The following RBFOX1 variants were observed in gnomAD, a reference collection of about 807,000 sequenced individuals.
RBFOX1 encodes RNA binding protein fox-1 homolog 1.
RBFOX1 carries 8 observed loss-of-function variants against 57.7 expected under a neutral mutation model. The ratio of observed to expected loss-of-function variants is 0.14; its 90% CI spans 0.08 to 0.25. RBFOX1 has a LOEUF of 0.25. Among genes scored for constraint, RBFOX1 ranks in the 10% least tolerant of loss-of-function variants. The pLI, the probability that RBFOX1 is intolerant of heterozygous loss-of-function variation, is 1.00. For missense variants in RBFOX1, 611 were observed against 548.5 expected (o/e 1.11, Z -1.14); for synonymous variants, 326 against 222.4 (o/e 1.47, Z -4.15).
At chr16:6,428,907 T>C (rs2094002384) in intron 2 of RBFOX1, among the ~76,000 whole-genome samples, 1 of 152,238 alleles carries the variant, frequency 6.6e-6, no homozygotes, top group Non-Finnish European at 1.5e-5. Context: ...AAGTATCGTG[T>C]AGGAAGTAGT....
intron 4 of RBFOX1, among the ~76,000 whole-genome samples, chr16:5,932,700 G>C (rs2059088365): frequency 6.6e-6 from 1 of 152,102 alleles, no homozygotes; most frequent in East Asian, 1.9e-4. Context: ...CCACCACTGG[G>C]GTCAGGAGGC....
chr16:7,142,679 A>T (rs542485135), intron 4 of RBFOX1, among the ~76,000 whole-genome samples: 3 of 152,190 alleles, frequency 2.0e-5, no homozygotes, highest in Non-Finnish European at 4.4e-5. Flanking sequence ...TCTTGTTTGT[A>T]TATACATGTC....
intron 1 of RBFOX1, among the ~76,000 whole-genome samples, chr16:6,143,177 C>T (rs1391263825): frequency 2.0e-5 from 3 of 152,180 alleles, no homozygotes; most frequent in Non-Finnish European, 4.4e-5. Context: ...TTTACAAATG[C>T]TCTTCAGGAA....
At chr16:7,599,609 G>A (rs2094900085) in intron 9 of RBFOX1, among the ~76,000 whole-genome samples, 1 of 149,476 alleles carries the variant, frequency 6.7e-6, no homozygotes, top group Non-Finnish European at 1.5e-5. Flanking sequence ...CAACATTGAG[G>A]CTAGAGAAGA....
intron 3 of RBFOX1, among the ~76,000 whole-genome samples, chr16:7,043,682 T>C (rs1004640353): frequency 6.6e-6 from 1 of 152,098 alleles, no homozygotes; most frequent in African/African-American, 2.4e-5. Flanking sequence ...AACATTCTAT[T>C]ATTGTGGACA....
intron 2 of RBFOX1, among the ~76,000 whole-genome samples, chr16:6,615,713 C>T (rs894647982): frequency 1.3e-5 from 2 of 152,176 alleles, no homozygotes. Context: ...AATGCAAACA[C>T]TTGTATTTCC....
intron 4 of RBFOX1, among the ~76,000 whole-genome samples, chr16:7,347,873 AG>A (rs1199773258): frequency 4.6e-5 from 7 of 152,266 alleles, no homozygotes; most frequent in Admixed American, 1.3e-4. Flanking sequence ...ATTCCGAGAC[AG>A]GCGTCTTGCA....
chr16:6,718,440 G>T (rs549269812), intron 3 of RBFOX1, among the ~76,000 whole-genome samples: 1 of 152,188 alleles, frequency 6.6e-6, no homozygotes, highest in Non-Finnish European at 1.5e-5. Flanking sequence ...AAGGTAATGC[G>T]AGTAAGAGTA....
chr16:6,922,482 T>G (rs1199786395), intron 3 of RBFOX1, among the ~76,000 whole-genome samples: 1 of 152,222 alleles, frequency 6.6e-6, no homozygotes, highest in Non-Finnish European at 1.5e-5. Context: ...TGCTAATCTT[T>G]TAGCTCATTT....
At chr16:5,920,677 C>T (rs1247014033) in intron 4 of RBFOX1, among the ~76,000 whole-genome samples, 1 of 152,096 alleles carries the variant, frequency 6.6e-6, no homozygotes, top group East Asian at 1.9e-4. Context: ...AGACCAGGAG[C>T]GTGCCCAGGT....
At chr16:5,771,698 C>T (rs2053982773) in intron 3 of RBFOX1, among the ~76,000 whole-genome samples, 1 of 152,152 alleles carries the variant, frequency 6.6e-6, no homozygotes, top group Non-Finnish European at 1.5e-5. Context: ...TGTAAGCTAC[C>T]ACACCCCACC....
chr16:6,999,212 A>ATTTTATTTTATTTTATTT (rs1254312494), intron 3 of RBFOX1, among the ~76,000 whole-genome samples: 14 of 117,686 alleles, frequency 1.2e-4, no homozygotes, highest in Non-Finnish European at 2.5e-4. Flanking sequence ...TTTTATTTTT[A>ATTTTATTTTATTTTATTT]TTTATTTTTT....
At chr16:6,227,725 A>C (rs1033477868) in intron 1 of RBFOX1, among the ~76,000 whole-genome samples, 1 of 152,242 alleles carries the variant, frequency 6.6e-6, no homozygotes, top group Admixed American at 6.5e-5. Flanking sequence ...TAGCTGAAGT[A>C]GCTCTATAGG....
chr16:7,625,144 C>G (rs528918665), intron 10 of RBFOX1, among the ~76,000 whole-genome samples: 1 of 152,170 alleles, frequency 6.6e-6, no homozygotes, highest in South Asian at 2.1e-4. Flanking sequence ...GGCTCTCCCA[C>G]CTTAGTCCTT....
rs370666192 is a variant in RBFOX1, at chr16:6,019,820, G to T, written c.-299G>T. On this transcript the variant is annotated 5_prime_UTR_variant, in exon 1 of 16. Coordinates refer to ENST00000550418, the MANE Select transcript of RBFOX1 (RefSeq NM_018723.4). This position sits in a 1 kb window ranked among gnomAD's most constrained non-coding sequence, Gnocchi z 4.2. Reference sequence around the variant, plus strand: ...ACCCTCGCCGCGCCCAGGCAGGCGCGCCAGGGCGGGGCTGACCTGCCCGCG... The same window carrying T: ...ACCCTCGCCGCGCCCAGGCAGGCGCTCCAGGGCGGGGCTGACCTGCCCGCG... 6.6e-6 allele frequency: 10 copies of T among 1,504,624 alleles called. No homozygotes were observed. Among genetic ancestry groups the T allele is most frequent in the South Asian group, 1.2e-5 (1 of 81,498 alleles). 93.2% of individuals were successfully genotyped at this position (1,504,624 alleles called of 1,614,324 possible).
At chr16:6,702,636 C>G (rs901336655) in intron 3 of RBFOX1, among the ~76,000 whole-genome samples, 1 of 152,140 alleles carries the variant, frequency 6.6e-6, no homozygotes, top group Admixed American at 6.5e-5. Flanking sequence ...TGAGGTCATA[C>G]TTCTAAGATA....
intron 1 of RBFOX1, among the ~76,000 whole-genome samples, chr16:6,036,269 C>G (rs2095363793): frequency 6.6e-6 from 1 of 152,176 alleles, no homozygotes; most frequent in South Asian, 2.1e-4. Flanking sequence ...TCCAAGATTT[C>G]CAGAAGTAAC....
rs60574147 is a variant in RBFOX1 at position 7,111,756 on chromosome 16, CTT to C, written c.27+59669_27+59670del. Among the ~76,000 whole-genome samples the C allele has an allele frequency of 4.5e-3, 659 of 147,944 alleles. 9 individuals carry two copies. The highest frequency in any genetic ancestry group is 0.015 in the African/African-American group (617 of 40,728). On this transcript the variant is annotated intron_variant, in intron 4 of 15. Transcript: ENST00000550418. Reference sequence around the variant, plus strand: ...AAATTATTCTGATTGTTATTTTGTACTTTTTTTTTTTTATCTTCAAGGTTCTG... The same window carrying C: ...AAATTATTCTGATTGTTATTTTGTACTTTTTTTTTTATCTTCAAGGTTCTG...
chr16:7,303,760 GCTCTCT>G (rs145673482), intron 4 of RBFOX1, among the ~76,000 whole-genome samples: 70 of 139,950 alleles, frequency 5.0e-4, no homozygotes, highest in African/African-American at 1.4e-3. Flanking sequence ...CCTCCCTCTC[GCTCTCT>G]CTCTCTCTCT....
Sources: allele counts gnomAD v4.1 joint callset (sites outside exome capture counted in the v4.1 genomes callset), GRCh38; gene constraint gnomAD v4.1.1; non-coding constraint Gnocchi (gnomAD v3.1); transcripts MANE v1.5; gene names NCBI Gene and HGNC (gene_info 2026-07-23, HGNC 2026-07-21).